The following DBF4B variants were observed in gnomAD, a reference collection of about 807,000 sequenced individuals.
The protein encoded by DBF4B is DBF4B-CDC7 kinase regulatory subunit.
In DBF4B, 49 loss-of-function variants were observed where a neutral mutation model predicts 53.4. The observed-to-expected ratio is 0.92, with a 90% CI of 0.73 to 1.16. The LOEUF (loss-of-function observed/expected upper bound fraction) is 1.16. Among genes scored for constraint, DBF4B ranks in the 50% most tolerant of loss-of-function variants. The pLI is 0.00. For synonymous variants in DBF4B, 257 were observed against 288.7 expected (o/e 0.89, Z 1.11); for missense variants, 692 against 775.0 (o/e 0.89, Z 1.27).
At chr17:44,734,035 GCT>G in intron 6 of DBF4B, 53 bp from the exon 7 acceptor site, 2 of 1,473,228 alleles carry the variant, frequency 1.4e-6, no homozygotes, top group Admixed American at 3.3e-5. Flanking sequence ...AAGGGGCTGT[GCT>G]AGGTAAGTGA....
intron 10 of DBF4B, among the ~76,000 whole-genome samples, chr17:44,744,615 GAT>G (rs1467252158): frequency 1.3e-5 from 2 of 152,110 alleles, no homozygotes; most frequent in African/African-American, 4.8e-5. Context: ...TGGGTTAAAA[GAT>G]ATATGCATTT....
rs1185767951 is a variant in DBF4B, at chr17:44,752,179, G to A, written c.*926G>A. ...CCTCAGAAAAATGCCTTTATTACTC[G>A]GGCCTCAGTTTCCTCGTCTTTAAGT... On this transcript the variant is annotated 3_prime_UTR_variant, in exon 14 of 14. Transcript: ENST00000315005. The A allele has an allele frequency of 1.3e-5, 8 of 595,764 alleles. No individual in the cohort carries two copies. Among genetic ancestry groups the A allele is most frequent in the South Asian group, 6.0e-5 (3 of 50,048 alleles). The allele number at this position is 595,764 out of a possible 1,614,324, so 36.9% of individuals were successfully genotyped here.
intron 10 of DBF4B, among the ~76,000 whole-genome samples, chr17:44,742,067 C>T (rs1976092356): frequency 1.3e-5 from 2 of 148,846 alleles, no homozygotes; most frequent in Admixed American, 1.4e-4. Flanking sequence ...GGCACACAAA[C>T]ATAGCAAGAC....
At chr17:44,722,549 T>C (rs1212546515) in intron 2 of DBF4B, among the ~76,000 whole-genome samples, 1 of 152,064 alleles carries the variant, frequency 6.6e-6, no homozygotes, top group African/African-American at 2.4e-5. Flanking sequence ...GGCCCTCTTT[T>C]CCCTAGTTTA....
chr17:44,715,812 C>CTTTTTTTTTTTTTTTTTT (rs869200833), intron 2 of DBF4B, among the ~76,000 whole-genome samples: 3 of 55,538 alleles, frequency 5.4e-5, no homozygotes, highest in Non-Finnish European at 9.8e-5. Context: ...TTCTTTCTTT[C>CTTTTTTTTTTTTTTTTTT]TTTTTTTTTT....
Position 44,735,417 on chromosome 17 carries a change from A to G in DBF4B, c.630+1254A>G, listed in dbSNP as rs1385634863. Among the ~76,000 whole-genome samples, 9 of 152,214 alleles carry G rather than the reference A, an allele frequency of 5.9e-5. No homozygotes were observed. In the South Asian group the frequency reaches 1.7e-3, roughly 28 times the overall value. On this transcript the variant is annotated intron_variant, in intron 7 of 13. Coordinates refer to ENST00000315005, the MANE Select transcript of DBF4B (RefSeq NM_145663.3). ...GCCGGGCACAGTGGCTCACGCCTGTAATCCCAGTAATTTGGGAGACCGAGG... is the reference window on the plus strand; with the variant it reads ...GCCGGGCACAGTGGCTCACGCCTGTGATCCCAGTAATTTGGGAGACCGAGG...
intron 2 of DBF4B, among the ~76,000 whole-genome samples, chr17:44,712,487 G>A (rs754878787): frequency 1.1e-4 from 16 of 151,566 alleles, no homozygotes; most frequent in Non-Finnish European, 2.4e-4. Flanking sequence ...TGTCTTTTTA[G>A]TAGAGATGGG....
In DBF4B at chr17:44,730,852, G is replaced by T. The variant is rs976155562; in HGVS notation, c.418-113G>T. ...CAATCCTCAGTTGTCACTGCTCCCA[G>T]CTTTCCGAGGGACATAACCCCAAGA... On this transcript the variant is annotated intron_variant, in intron 4 of 13. Coordinates refer to ENST00000315005, the MANE Select transcript of DBF4B (RefSeq NM_145663.3). 6 of 1,077,804 alleles carry T rather than the reference G, an allele frequency of 5.6e-6. No individual in the cohort carries two copies. The African/African-American group carries it at 9.5e-5, about 17-fold the overall frequency. 66.8% of individuals were successfully genotyped at this position (1,077,804 alleles called of 1,614,324 possible).
chr17:44,747,163 G>A lies in DBF4B; in HGVS notation c.911G>A (p.Cys304Tyr), dbSNP rs1175392507. Reference sequence around the variant, plus strand: ...AGGAAGAAAGGCTACTGCGAGTGCTGTCAGGAGGCCTTCGAGGAGCTCCAT... The same window carrying A: ...AGGAAGAAAGGCTACTGCGAGTGCTATCAGGAGGCCTTCGAGGAGCTCCAT... ...PRRKKGYCEC[C>Y]QEAFEELHVH... is the part of the protein sequence containing the mutation. The change falls in exon 11 of 14, where the codon TGT becomes TAT. Residue 304 changes from cysteine to tyrosine, a missense_variant. This residue lies in a region of DBF4B where 597 missense variants were observed against 665.8 expected (regional missense o/e 0.90). Transcript: ENST00000315005. 6.2e-7 allele frequency: 1 copy of A among 1,614,108 alleles called. No individual in the cohort carries two copies. The highest frequency in any genetic ancestry group is 8.5e-7 in the Non-Finnish European group (1 of 1,180,052).
At chr17:44,744,410 CA>C (rs58723234) in intron 10 of DBF4B, among the ~76,000 whole-genome samples, 1,975 of 123,002 alleles carry the variant, frequency 0.016, 31 homozygotes, top group African/African-American at 0.048. Context: ...GACCCTGTCT[CA>C]AAAAAAAAAA....
intron 2 of DBF4B, among the ~76,000 whole-genome samples, chr17:44,719,534 C>A (rs148767778): frequency 8.5e-4 from 129 of 152,304 alleles, no homozygotes; most frequent in African/African-American, 2.9e-3. Context: ...TAAATAGAGT[C>A]ATAAAATGTG....
At chr17:44,740,393 AG>A in intron 9 of DBF4B, among the ~76,000 whole-genome samples, 1 of 152,298 alleles carries the variant, frequency 6.6e-6, no homozygotes, top group African/African-American at 2.4e-5. Flanking sequence ...AAGTATACAC[AG>A]ATCACTTCTG....
intron 1 of DBF4B, 122 bp downstream of exon 1, chr17:44,708,961 G>C: frequency 7.2e-7 from 1 of 1,389,646 alleles, no homozygotes; most frequent in Non-Finnish European, 9.8e-7. Context: ...GCTGAGGAGG[G>C]TATAGGGGCC....
At chr17:44,720,404 T>G (rs533074858) in intron 2 of DBF4B, 1 of 226,296 alleles carries the variant, frequency 4.4e-6, no homozygotes, top group South Asian at 7.0e-5. Flanking sequence ...ACGTGGTCTT[T>G]CTGGAATACA....
intron 7 of DBF4B, among the ~76,000 whole-genome samples, chr17:44,734,833 G>A (rs1319124770): frequency 2.0e-5 from 3 of 152,230 alleles, no homozygotes; most frequent in African/African-American, 4.8e-5. Flanking sequence ...GCTGGGCATG[G>A]TGGCTCACAC....
intron 10 of DBF4B, among the ~76,000 whole-genome samples, chr17:44,745,350 A>G (rs1378127755): frequency 1.3e-5 from 2 of 152,226 alleles, no homozygotes; most frequent in Admixed American, 6.5e-5. Flanking sequence ...ACTCTGCTAT[A>G]TTAGTCCATT....
chr17:44,734,343 TCTCTC>T (rs1975143723), intron 7 of DBF4B, among the ~76,000 whole-genome samples, 180 bp downstream of exon 7: 1 of 152,134 alleles, frequency 6.6e-6, no homozygotes, highest in African/African-American at 2.4e-5. Flanking sequence ...CACCCTTTCT[TCTCTC>T]TTCTCTGTGG....
chr17:44,748,489 G>A (rs768008627), intron 13 of DBF4B, 24 bp downstream of exon 13: 2 of 1,613,402 alleles, frequency 1.2e-6, no homozygotes, highest in African/African-American at 2.7e-5. Context: ...GGATGGGACA[G>A]TGGACAGCAC....
At chr17:44,712,789 G>C (rs996290039) in intron 2 of DBF4B, among the ~76,000 whole-genome samples, 3 of 150,904 alleles carry the variant, frequency 2.0e-5, no homozygotes, top group Non-Finnish European at 4.4e-5. Context: ...TGCCCAGGCT[G>C]GTCTTGAACT....
Sources: gnomAD v4.1 joint callset for allele counts (sites outside exome capture counted in the v4.1 genomes callset) on GRCh38, gnomAD v4.1.1 for gene constraint, gnomAD v4.1.1 regional missense constraint, MANE v1.5 for transcripts, NCBI Gene and HGNC (gene_info 2026-07-23, HGNC 2026-07-21) for gene names.